The following FGF14 variants were observed in gnomAD, a reference collection of about 807,000 sequenced individuals.
The protein encoded by FGF14 is fibroblast growth factor homologous factor 4.
A neutral mutation model predicts 25.5 loss-of-function variants in FGF14; 5 were observed. The ratio of observed to expected loss-of-function variants is 0.20; its 90% confidence interval spans 0.10 to 0.41. FGF14 has a LOEUF of 0.41. Among genes scored for constraint, FGF14 ranks in the 10% least tolerant of loss-of-function variants. FGF14 has a pLI of 1.00. For synonymous variants in FGF14, 138 were observed against 118.3 expected (o/e 1.17, Z -1.08); for missense variants, 222 against 320.1 (o/e 0.69, Z 2.34).
chr13:101,753,971 A>G (rs746925829), intron 3 of FGF14, among the ~76,000 whole-genome samples: 11 of 152,196 alleles, frequency 7.2e-5, no homozygotes, highest in Non-Finnish European at 1.5e-4. Flanking sequence ...GAAAAAAACA[A>G]AAACAAAACA....
At chr13:101,898,906 T>G (rs2031129525) in intron 1 of FGF14, among the ~76,000 whole-genome samples, 1 of 152,186 alleles carries the variant, frequency 6.6e-6, no homozygotes, top group African/African-American at 2.4e-5. Context: ...TGTTGTACAT[T>G]ACTCTTTCTC....
intron 1 of FGF14, among the ~76,000 whole-genome samples, chr13:101,900,819 T>G (rs2031450338): frequency 6.6e-6 from 1 of 152,214 alleles, no homozygotes; most frequent in Non-Finnish European, 1.5e-5. Context: ...TCTTTTAATG[T>G]GCATGTTATA....
chr13:102,147,466 C>G (rs1291717125), intron 1 of FGF14, among the ~76,000 whole-genome samples: 1 of 152,104 alleles, frequency 6.6e-6, no homozygotes, highest in African/African-American at 2.4e-5. Context: ...TAAAGCATGC[C>G]TACTTTCCAA....
At chr13:102,221,109 G>A (rs573635338) in intron 1 of FGF14, among the ~76,000 whole-genome samples, 127 of 152,276 alleles carry the variant, frequency 8.3e-4, no homozygotes, top group South Asian at 7.5e-3. Context: ...GCCCTTGCTT[G>A]CTTTTCAATG....
intron 3 of FGF14, among the ~76,000 whole-genome samples, chr13:101,788,361 AATG>A (rs1010586699): frequency 2.0e-5 from 3 of 152,116 alleles, no homozygotes; most frequent in African/African-American, 7.2e-5. Context: ...AGAGCAATTA[AATG>A]ATAATGAGGA....
intron 1 of FGF14, among the ~76,000 whole-genome samples, chr13:101,914,800 T>C (rs1248589317): frequency 6.6e-6 from 1 of 152,236 alleles, no homozygotes; most frequent in East Asian, 1.9e-4. Context: ...TATGTTAATT[T>C]ACTTTATGTA....
rs147479225 is a variant in FGF14, at chr13:101,826,922, G to A, written c.408+41803C>T. 8.8e-3 allele frequency among the ~76,000 whole-genome samples: 1,339 copies of A among 151,744 alleles called. 10 individuals carry two copies. Among genetic ancestry groups the A allele is most frequent in the Non-Finnish European group, 0.015 (1,007 of 67,810 alleles). ...AGCTTATGAAATAACCAATTGCCTC[G>A]GTAGTCACAGCAATAACTACTAGAT... On this transcript the variant is annotated intron_variant, in intron 3 of 4. Transcript: ENST00000376143.
At chr13:102,027,234 CACAT>C (rs1401088899) in intron 1 of FGF14, among the ~76,000 whole-genome samples, 3 of 151,578 alleles carry the variant, frequency 2.0e-5, no homozygotes, top group South Asian at 2.1e-4. Flanking sequence ...CACAGACACA[CACAT>C]ACACACACAC....
intron 1 of FGF14, among the ~76,000 whole-genome samples, chr13:102,194,653 TAGA>T (rs748769611): frequency 5.3e-5 from 8 of 152,082 alleles, no homozygotes; most frequent in African/African-American, 1.9e-4. Flanking sequence ...ATGAAAACTT[TAGA>T]AGAAGAAGTA....
At chr13:102,259,852 ACACC>A (rs2052632051) in intron 1 of FGF14, among the ~76,000 whole-genome samples, 1 of 152,170 alleles carries the variant, frequency 6.6e-6, no homozygotes, top group South Asian at 2.1e-4. Flanking sequence ...TGTTTCTATG[ACACC>A]CATTGCTTTA....
At chr13:101,816,264 C>T (rs1484879455) in intron 3 of FGF14, among the ~76,000 whole-genome samples, 9 of 74,432 alleles carry the variant, frequency 1.2e-4, no homozygotes, top group African/African-American at 5.0e-4. Context: ...AGAGAGACTC[C>T]GTCTCAAAAA....
intron 1 of FGF14, among the ~76,000 whole-genome samples, chr13:102,035,761 G>A (rs939035685): frequency 2.0e-5 from 3 of 152,066 alleles, no homozygotes; most frequent in African/African-American, 7.2e-5. Flanking sequence ...GGATAAATAC[G>A]TCCCTCTCCA....
intron 3 of FGF14, among the ~76,000 whole-genome samples, chr13:101,788,920 A>ATG: frequency 4.8e-5 from 1 of 20,898 alleles, no homozygotes; most frequent in Non-Finnish European, 1.9e-4. Context: ...AGAGAGAGAG[A>ATG]GAGAGAGAGA....
intron 3 of FGF14, among the ~76,000 whole-genome samples, chr13:101,861,324 GCAGCATCTTACTCCAT>G (rs1314172558): frequency 6.6e-6 from 1 of 151,922 alleles, no homozygotes; most frequent in Non-Finnish European, 1.5e-5. Context: ...CTAACCAAAT[GCAGCATCTTACTCCAT>G]CCACCCACCC....
intron 1 of FGF14, among the ~76,000 whole-genome samples, chr13:102,122,027 T>C (rs1320554242): frequency 3.3e-5 from 5 of 152,234 alleles, no homozygotes; most frequent in African/African-American, 4.8e-5. Flanking sequence ...CCATCAATGA[T>C]TGAAATATTG....
intron 1 of FGF14, among the ~76,000 whole-genome samples, chr13:102,119,447 A>T (rs1453437925): frequency 6.6e-6 from 1 of 152,166 alleles, no homozygotes; most frequent in East Asian, 1.9e-4. Flanking sequence ...ATTACTAGGG[A>T]TGACAAAACA....
At chr13:101,801,483 G>A (rs1464457839) in intron 3 of FGF14, among the ~76,000 whole-genome samples, 3 of 152,122 alleles carry the variant, frequency 2.0e-5, no homozygotes, top group Non-Finnish European at 2.9e-5. Context: ...GTGTGCAGCT[G>A]TGCTCTAATA....
At chr13:101,959,957 GTGTCTGTAAAT>G (rs1181037263) in intron 1 of FGF14, among the ~76,000 whole-genome samples, 2 of 152,146 alleles carry the variant, frequency 1.3e-5, no homozygotes, top group African/African-American at 4.8e-5. Context: ...ACTTTGAGAG[GTGTCTGTAAAT>G]TAATTTAATA....
intron 1 of FGF14, among the ~76,000 whole-genome samples, chr13:102,129,730 T>C (rs1240008788): frequency 2.0e-5 from 3 of 152,040 alleles, no homozygotes; most frequent in Non-Finnish European, 4.4e-5. Flanking sequence ...GAGATATACC[T>C]AATGTAAATG....
Sources: gnomAD v4.1 joint callset for allele counts (sites outside exome capture counted in the v4.1 genomes callset) on GRCh38, gnomAD v4.1.1 for gene constraint, MANE v1.5 for transcripts, NCBI Gene and HGNC (gene_info 2026-07-23, HGNC 2026-07-21) for gene names.